Variants in FOXN3 observed in about 807,000 individuals in gnomAD.
The protein encoded by FOXN3 is forkhead box protein N3.
In FOXN3, 7 loss-of-function variants were observed where a neutral mutation model predicts 38.4. The ratio of observed to expected loss-of-function variants is 0.18; its 90% CI spans 0.10 to 0.34. FOXN3 has a LOEUF of 0.34. Among genes scored for constraint, FOXN3 ranks in the 10% least tolerant of loss-of-function variants. The probability of loss-of-function intolerance (pLI) is 1.00; values close to 1 mark genes in which losing one functional copy is unlikely to be tolerated. For missense variants in FOXN3, 456 were observed against 613.4 expected (o/e 0.74, Z 2.71); for synonymous variants, 230 against 242.2 (o/e 0.95, Z 0.47).
At chr14:89,238,765 G>A (rs1014336057) in intron 4 of FOXN3, among the ~76,000 whole-genome samples, 1 of 152,144 alleles carries the variant, frequency 6.6e-6, no homozygotes, top group Non-Finnish European at 1.5e-5. Context: ...GGATTTTTGA[G>A]CTTAAAACCT....
Position 89,198,171 on chromosome 14 carries a change from C to A in FOXN3, c.746-17365G>T, listed in dbSNP as rs542500422. ...ATACTATGTAGTGAGATGATGGCCGCGTCTGTACTGAACATGTTCAGGCTT... is the reference window on the plus strand; with the variant it reads ...ATACTATGTAGTGAGATGATGGCCGAGTCTGTACTGAACATGTTCAGGCTT... On this transcript the variant is annotated intron_variant, in intron 4 of 5. Transcript: ENST00000557258. 6.6e-5 allele frequency among the ~76,000 whole-genome samples: 10 copies of A among 152,272 alleles called. No homozygotes were observed. In the East Asian group the frequency reaches 1.9e-3, roughly 29 times the overall value.
chr14:89,569,822 T>C (rs540692502), intron 1 of FOXN3, among the ~76,000 whole-genome samples: 4 of 152,194 alleles, frequency 2.6e-5, no homozygotes, highest in East Asian at 1.9e-4. Context: ...CCATCAGGTG[T>C]TGCTCTTGGC....
intron 5 of FOXN3, among the ~76,000 whole-genome samples, chr14:89,169,333 C>T (rs1407561221): frequency 1.3e-5 from 2 of 151,974 alleles, no homozygotes; most frequent in Non-Finnish European, 2.9e-5. Context: ...CCCCACTACT[C>T]GGGAGGCTAA....
At chr14:89,457,914 T>A (rs1027611803) in intron 1 of FOXN3, among the ~76,000 whole-genome samples, 1 of 150,798 alleles carries the variant, frequency 6.6e-6, no homozygotes, top group African/African-American at 2.5e-5. Flanking sequence ...CTTGGGAGGC[T>A]GAGGCAGGAG....
intron 1 of FOXN3, among the ~76,000 whole-genome samples, chr14:89,492,690 C>A (rs563419139): frequency 6.6e-6 from 1 of 152,194 alleles, no homozygotes; most frequent in African/African-American, 2.4e-5. Flanking sequence ...CTGGCCTGGG[C>A]GACAAAGTGA....
At chr14:89,183,800 AGAAGTGCCCT>A (rs1887734543) in intron 4 of FOXN3, 1 of 152,220 alleles carries the variant, frequency 6.6e-6, no homozygotes, top group Admixed American at 6.5e-5. Flanking sequence ...TTTTGAGCAG[AGAAGTGCCCT>A]GCGCTGCAGC....
At chr14:89,349,078 G>A (rs909935271) in intron 3 of FOXN3, among the ~76,000 whole-genome samples, 3 of 151,940 alleles carry the variant, frequency 2.0e-5, no homozygotes, top group Non-Finnish European at 4.4e-5. Flanking sequence ...GGAGAGTCGG[G>A]GGGTGGGGGT....
intron 1 of FOXN3, among the ~76,000 whole-genome samples, chr14:89,473,065 C>T (rs1235947241): frequency 1.3e-5 from 2 of 151,806 alleles, no homozygotes; most frequent in Non-Finnish European, 2.9e-5. Context: ...CGCTCTGTCA[C>T]CCAGGCTGGA....
intron 1 of FOXN3, among the ~76,000 whole-genome samples, chr14:89,559,639 G>A (rs909900631): frequency 5.9e-5 from 9 of 152,050 alleles, no homozygotes; most frequent in African/African-American, 2.2e-4. Context: ...TTGCGCCACT[G>A]GACTCCAGCC....
At chr14:89,251,747 C>G (rs1885462697) in intron 4 of FOXN3, among the ~76,000 whole-genome samples, 1 of 152,194 alleles carries the variant, frequency 6.6e-6, no homozygotes, top group Non-Finnish European at 1.5e-5. Context: ...AATAATTCAA[C>G]ATGCTGCTTT....
At chr14:89,520,017 C>CT (rs56854196) in intron 1 of FOXN3, among the ~76,000 whole-genome samples, 2,380 of 132,412 alleles carry the variant, frequency 0.018, 55 homozygotes, top group African/African-American at 0.052. Flanking sequence ...TTCTTTTTTT[C>CT]TTTTTTTTTT....
intron 4 of FOXN3, among the ~76,000 whole-genome samples, chr14:89,199,901 C>T (rs1596098019): frequency 6.6e-6 from 1 of 151,808 alleles, no homozygotes; most frequent in Non-Finnish European, 1.5e-5. Context: ...GAGACTCCAT[C>T]TCAGACAACA....
At chr14:89,471,255 A>C (rs1893088731) in intron 1 of FOXN3, among the ~76,000 whole-genome samples, 1 of 152,186 alleles carries the variant, frequency 6.6e-6, no homozygotes, top group African/African-American at 2.4e-5. Context: ...ACAGTGCTGA[A>C]GAGCTGAAGC....
intron 1 of FOXN3, among the ~76,000 whole-genome samples, chr14:89,511,212 TTTCTTTCTTTCTTTC>T (rs1566681087): frequency 0.14 from 3,828 of 26,598 alleles, 1,468 homozygotes; most frequent in Non-Finnish European, 0.32. Context: ...CTTTTCTTTC[TTTCTTTCTTTCTTTC>T]TTTTCTTTCC....
intron 1 of FOXN3, among the ~76,000 whole-genome samples, chr14:89,427,417 T>C (rs1171890492): frequency 1.4e-5 from 2 of 141,348 alleles, no homozygotes; most frequent in East Asian, 4.7e-4. Flanking sequence ...GCGATTCTCC[T>C]GCCTCAGCAT....
intron 3 of FOXN3, among the ~76,000 whole-genome samples, chr14:89,334,638 G>T (rs1414468875): frequency 2.4e-5 from 2 of 83,006 alleles, no homozygotes; most frequent in South Asian, 5.1e-4. Context: ...TAAAATAAAA[G>T]CCCTAGAGAC....
chr14:89,302,044 T>C (rs1238636432), intron 3 of FOXN3, among the ~76,000 whole-genome samples: 5 of 152,128 alleles, frequency 3.3e-5, no homozygotes, highest in African/African-American at 9.7e-5. Context: ...CCCCACATAG[T>C]GTAGCTCAGG....
intron 4 of FOXN3, among the ~76,000 whole-genome samples, chr14:89,232,306 G>A (rs1566934960): frequency 1.3e-5 from 2 of 152,138 alleles, no homozygotes; most frequent in East Asian, 3.8e-4. Context: ...CAAACCGTTC[G>A]CCTATACATA....
chr14:89,336,467 T>A (rs1022718293), intron 3 of FOXN3, among the ~76,000 whole-genome samples: 1 of 152,238 alleles, frequency 6.6e-6, no homozygotes, highest in Non-Finnish European at 1.5e-5. Context: ...CATCGAAGAA[T>A]GTTTCTGCAG....
Sources: gnomAD v4.1 joint callset for allele counts (sites outside exome capture counted in the v4.1 genomes callset) on GRCh38, gnomAD v4.1.1 for gene constraint, MANE v1.5 for transcripts, NCBI Gene and HGNC (gene_info 2026-07-23, HGNC 2026-07-21) for gene names.